The following RBFOX1 variants were observed in gnomAD, a reference collection of about 807,000 sequenced individuals.
RBFOX1 encodes the protein RNA binding protein fox-1 homolog 1.
In RBFOX1, 8 loss-of-function variants were observed where a neutral mutation model predicts 57.7. The ratio of observed to expected loss-of-function variants is 0.14; its 90% CI spans 0.08 to 0.25. The LOEUF is 0.25. Among genes scored for constraint, RBFOX1 ranks in the 10% least tolerant of loss-of-function variants. RBFOX1 has a pLI of 1.00. For synonymous variants in RBFOX1, 326 were observed against 222.4 expected, an observed-to-expected ratio of 1.47 and a Z score of -4.15; for missense variants, 611 against 548.5, an observed-to-expected ratio of 1.11 and a Z score of -1.14.
At chr16:5,653,459 G>C (rs1567351134) in intron 3 of RBFOX1, among the ~76,000 whole-genome samples, 1 of 147,112 alleles carries the variant, frequency 6.8e-6, no homozygotes, top group Non-Finnish European at 1.5e-5. Context: ...CTCCACCTTT[G>C]TACGGAAGGT....
chr16:5,458,203 G>T (rs776663099), intron 1 of RBFOX1, among the ~76,000 whole-genome samples: 1 of 152,106 alleles, frequency 6.6e-6, no homozygotes, highest in Non-Finnish European at 1.5e-5. Context: ...TTAAGTGCTG[G>T]ATACTCTTTG....
At chr16:5,705,795 C>T (rs191409268) in intron 3 of RBFOX1, among the ~76,000 whole-genome samples, 5 of 152,174 alleles carry the variant, frequency 3.3e-5, no homozygotes, top group Non-Finnish European at 5.9e-5. Context: ...CATCTGTGTG[C>T]GAGGCCTCTT....
At chr16:6,288,869 G>C (rs148410164) in intron 1 of RBFOX1, among the ~76,000 whole-genome samples, 1 of 152,152 alleles carries the variant, frequency 6.6e-6, no homozygotes, top group African/African-American at 2.4e-5. Flanking sequence ...CTGGATCTAA[G>C]GTCTAGTGGA....
At chr16:5,639,291 C>T (rs1464341480) in intron 3 of RBFOX1, among the ~76,000 whole-genome samples, 1 of 152,194 alleles carries the variant, frequency 6.6e-6, no homozygotes, top group Non-Finnish European at 1.5e-5. Flanking sequence ...CACATAAAGG[C>T]CTGAATTTCA....
Position 7,676,781 on chromosome 16 carries a change from A to T in RBFOX1, c.938A>T (p.Tyr313Phe). The T allele has an allele frequency of 6.2e-7, 1 of 1,612,902 alleles. No homozygotes were observed. Among genetic ancestry groups the T allele is most frequent in the South Asian group, 1.1e-5 (1 of 91,054 alleles). ...GFYGADIYGG[Y>F]AAYRYAQPTP... The stretch of plus-strand genomic sequence containing the variant: ...TTTCTCCTTGTGTTTTAGGGTGGTT[A>T]TGCTGCATACCGCTACGCCCAGCCT... Residue 313 changes from tyrosine (Y) to phenylalanine (F), a missense_variant, in exon 14 of 16, where the codon TAT becomes TTT. Coordinates refer to ENST00000550418, the MANE Select transcript of RBFOX1 (RefSeq NM_018723.4).
At chr16:6,322,685 T>C (rs1463746330) in intron 2 of RBFOX1, among the ~76,000 whole-genome samples, 1 of 152,146 alleles carries the variant, frequency 6.6e-6, no homozygotes, top group Admixed American at 6.5e-5. Context: ...CAACAATAAT[T>C]GCCTTCCAGG....
chr16:7,256,611 G>A (rs1385073022), intron 4 of RBFOX1, among the ~76,000 whole-genome samples: 1 of 152,038 alleles, frequency 6.6e-6, no homozygotes, highest in Non-Finnish European at 1.5e-5. Context: ...CCTTCTGGAT[G>A]GCCACAAACC....
intron 2 of RBFOX1, among the ~76,000 whole-genome samples, chr16:6,467,527 G>A (rs1289398391): frequency 1.3e-5 from 2 of 152,110 alleles, no homozygotes; most frequent in Non-Finnish European, 2.9e-5. Context: ...GCTGAGACAG[G>A]AGTTCTTAGC....
At chr16:7,311,478 C>CTTTTTTTTTTTTTTTTTTTTTTTT (rs1190746565) in intron 4 of RBFOX1, among the ~76,000 whole-genome samples, 1 of 122,522 alleles carries the variant, frequency 8.2e-6, no homozygotes, top group Non-Finnish European at 1.6e-5. Flanking sequence ...TGAGCCTTTT[C>CTTTTTTTTTTTTTTTTTTTTTTTT]TTTTTTTTTT....
intron 2 of RBFOX1, among the ~76,000 whole-genome samples, chr16:6,345,379 AG>A (rs2085219417): frequency 6.6e-6 from 1 of 152,240 alleles, no homozygotes; most frequent in East Asian, 1.9e-4. Context: ...ATGGAAATTA[AG>A]GGGCAGATGA....
intron 1 of RBFOX1, among the ~76,000 whole-genome samples, chr16:5,339,229 A>C (rs548297025): frequency 1.3e-5 from 2 of 152,058 alleles, no homozygotes; most frequent in South Asian, 4.2e-4. Flanking sequence ...ACTTCCTTAG[A>C]TTCCACATAT....
chr16:5,685,442 G>T (rs1213096920), intron 3 of RBFOX1, among the ~76,000 whole-genome samples: 1 of 152,182 alleles, frequency 6.6e-6, no homozygotes, highest in Non-Finnish European at 1.5e-5. Context: ...CCTAATAGGA[G>T]CTTGAGTGCC....
At chr16:6,344,554 C>T (rs1031091210) in intron 2 of RBFOX1, among the ~76,000 whole-genome samples, 18 of 150,528 alleles carry the variant, frequency 1.2e-4, no homozygotes, top group South Asian at 4.2e-4. Flanking sequence ...CCCACCACTG[C>T]GCCCGGCTAA....
chr16:5,281,753 T>C (rs890452645), intron 1 of RBFOX1, among the ~76,000 whole-genome samples: 2 of 152,226 alleles, frequency 1.3e-5, no homozygotes, highest in Admixed American at 6.5e-5. Context: ...TCATGATTAC[T>C]TTTGATTTCT....
intron 2 of RBFOX1, among the ~76,000 whole-genome samples, chr16:6,371,167 T>C (rs367909865): frequency 7.2e-5 from 11 of 152,214 alleles, no homozygotes; most frequent in African/African-American, 2.7e-4. Context: ...TCACTGTAAT[T>C]AATACATAGT....
rs573723194 is a variant in RBFOX1 at position 6,728,948 on chromosome 16, T to C, written c.-16+74298T>C. Among the ~76,000 whole-genome samples, 9 of 152,328 alleles carry C rather than the reference T, an allele frequency of 5.9e-5. No individual in the cohort carries two copies. In the South Asian group the frequency reaches 1.9e-3, roughly 32 times the overall value. On this transcript the variant is annotated intron_variant, in intron 3 of 15. Coordinates refer to ENST00000550418, the MANE Select transcript of RBFOX1 (RefSeq NM_018723.4). ...ATACGCACACGTATATTTGTATACATACACACACTTTTAGTCAAAGTAGTG... is the reference window on the plus strand; with the variant it reads ...ATACGCACACGTATATTTGTATACACACACACACTTTTAGTCAAAGTAGTG...
intron 2 of RBFOX1, among the ~76,000 whole-genome samples, chr16:6,344,498 C>T (rs892156702): frequency 1.4e-5 from 2 of 145,644 alleles, no homozygotes; most frequent in African/African-American, 2.6e-5. Flanking sequence ...CCCGGGTTCA[C>T]GCCATTCTCC....
At chr16:7,165,195 A>T (rs1354045485) in intron 4 of RBFOX1, among the ~76,000 whole-genome samples, 1 of 152,056 alleles carries the variant, frequency 6.6e-6, no homozygotes, top group African/African-American at 2.4e-5. Flanking sequence ...GGGATTAGCA[A>T]GACAGTCTCT....
intron 3 of RBFOX1, among the ~76,000 whole-genome samples, chr16:5,861,179 T>C (rs2057203801): frequency 6.6e-6 from 1 of 152,174 alleles, no homozygotes; most frequent in African/African-American, 2.4e-5. Context: ...AGGAGGATCT[T>C]GTACAAAGTA....
Sources: gnomAD v4.1 joint callset for allele counts (sites outside exome capture counted in the v4.1 genomes callset) on GRCh38, gnomAD v4.1.1 for gene constraint, MANE v1.5 for transcripts, NCBI Gene and HGNC (gene_info 2026-07-23, HGNC 2026-07-21) for gene names.